Variants in KHDRBS2 observed in about 807,000 individuals in gnomAD.
The protein encoded by KHDRBS2 is KH domain-containing, RNA-binding, signal transduction-associated protein 2.
In KHDRBS2, 26 loss-of-function variants were observed where a neutral mutation model predicts 44.3. That is an observed-to-expected ratio of 0.59 (90% CI 0.43 to 0.81). KHDRBS2 has a LOEUF of 0.81. Among genes scored for constraint, KHDRBS2 ranks in the 40% least tolerant of loss-of-function variants. The pLI is 0.00. For synonymous variants in KHDRBS2, 194 were observed against 151.1 expected (o/e 1.28, Z -2.08); for missense variants, 476 against 433.1 (o/e 1.10, Z -0.88).
chr6:62,269,253 G>T (rs2150187174), intron 1 of KHDRBS2, among the ~76,000 whole-genome samples: 1 of 144,914 alleles, frequency 6.9e-6, no homozygotes, highest in Non-Finnish European at 1.5e-5. Flanking sequence ...ATTGACTTCA[G>T]CAAAATTAAT....
intron 6 of KHDRBS2, among the ~76,000 whole-genome samples, chr6:61,852,355 A>G (rs1483736903): frequency 6.6e-6 from 1 of 152,020 alleles, no homozygotes; most frequent in Admixed American, 6.6e-5. Context: ...TACAAGGTGA[A>G]GAGATCGAGA....
At chr6:62,065,617 A>T (rs1022334328) in intron 2 of KHDRBS2, among the ~76,000 whole-genome samples, 19 of 116,490 alleles carry the variant, frequency 1.6e-4, no homozygotes, top group African/African-American at 6.4e-4. Context: ...GGAATATCAC[A>T]CTCTGGGGAC....
chr6:61,963,542 A>G (rs1440184031), intron 4 of KHDRBS2, among the ~76,000 whole-genome samples: 4 of 152,066 alleles, frequency 2.6e-5, no homozygotes, highest in African/African-American at 9.7e-5. Context: ...ATGTGACTCT[A>G]TGAAAGGGGA....
At chr6:62,120,507 A>C (rs1236516466) in intron 2 of KHDRBS2, among the ~76,000 whole-genome samples, 1 of 152,204 alleles carries the variant, frequency 6.6e-6, no homozygotes, top group Non-Finnish European at 1.5e-5. Flanking sequence ...GGCAGGGACC[A>C]AGTGGCAGCA....
chr6:61,659,952 A>T, the KHDRBS2 span, among the ~76,000 whole-genome samples: 2 of 151,864 alleles, frequency 1.3e-5, no homozygotes, highest in Non-Finnish European at 2.9e-5. Flanking sequence ...AGAATTCATT[A>T]TACATGAAAG....
rs1313992228 is a variant in KHDRBS2 at position 61,680,738 on chromosome 6, T to G, written c.*225A>C. ...TACTGAAAGGTTTATAGACTATGCTTGCTAATGTCTTTTTCAGTCTGTTTT... is the reference window on the plus strand; with the variant it reads ...TACTGAAAGGTTTATAGACTATGCTGGCTAATGTCTTTTTCAGTCTGTTTT... On this transcript the variant is annotated 3_prime_UTR_variant, in exon 9 of 9. Coordinates refer to ENST00000281156, the MANE Select transcript of KHDRBS2 (RefSeq NM_152688.4). 5 of 384,708 alleles carry G rather than the reference T, an allele frequency of 1.3e-5. No homozygotes were observed. Among genetic ancestry groups the G allele is most frequent in the Non-Finnish European group, 2.3e-5 (5 of 213,402 alleles). The allele number at this position is 384,708 out of a possible 1,614,324, so 23.8% of individuals were successfully genotyped here.
intron 8 of KHDRBS2, among the ~76,000 whole-genome samples, chr6:61,696,404 C>T (rs1056113286): frequency 6.8e-4 from 103 of 151,960 alleles, no homozygotes; most frequent in African/African-American, 2.3e-3. Context: ...TACAGGCATG[C>T]GCCACAATGC....
chr6:61,643,876 C>T, the KHDRBS2 span, among the ~76,000 whole-genome samples: 3 of 152,150 alleles, frequency 2.0e-5, no homozygotes, highest in African/African-American at 4.8e-5. Context: ...AATGGTCATA[C>T]TGCCAAAAGC....
At chr6:62,041,823 A>G (rs537875345) in intron 3 of KHDRBS2, among the ~76,000 whole-genome samples, 1 of 152,210 alleles carries the variant, frequency 6.6e-6, no homozygotes, top group Admixed American at 6.6e-5. Flanking sequence ...ATAAAACATT[A>G]CTACCCCATA....
intron 1 of KHDRBS2, among the ~76,000 whole-genome samples, chr6:62,282,834 C>CA (rs1053097214): frequency 2.8e-4 from 43 of 151,966 alleles, no homozygotes; most frequent in African/African-American, 9.9e-4. Context: ...ATTAGAATTG[C>CA]AAAAAAACAT....
At chr6:62,205,674 T>C (rs888377258) in intron 1 of KHDRBS2, among the ~76,000 whole-genome samples, 8 of 151,914 alleles carry the variant, frequency 5.3e-5, no homozygotes, top group African/African-American at 1.9e-4. Flanking sequence ...GAGGCAAAAA[T>C]TAATGAAAAA....
At chr6:61,977,966 G>T in intron 4 of KHDRBS2, 100 bp downstream of exon 4, 1 of 988,596 alleles carries the variant, frequency 1.0e-6, no homozygotes. Context: ...TCATTGGTTT[G>T]CAATATGAGT....
At chr6:61,723,989 A>G (rs1321671606) in intron 7 of KHDRBS2, among the ~76,000 whole-genome samples, 1 of 152,120 alleles carries the variant, frequency 6.6e-6, no homozygotes, top group Non-Finnish European at 1.5e-5. Context: ...CCATGAGAAG[A>G]TCAACCCCAA....
chr6:61,771,209 C>T (rs184313497), intron 6 of KHDRBS2, among the ~76,000 whole-genome samples: 8 of 152,328 alleles, frequency 5.3e-5, no homozygotes, highest in African/African-American at 1.7e-4. Flanking sequence ...AAAGGAACAA[C>T]TGGTACCAGC....
chr6:62,055,788 A>G (rs1790146578), intron 2 of KHDRBS2, among the ~76,000 whole-genome samples: 1 of 151,932 alleles, frequency 6.6e-6, no homozygotes, highest in Admixed American at 6.6e-5. Context: ...AAGTTGCATC[A>G]CATTTGGAAG....
At chr6:61,929,001 C>A (rs1809500975) in intron 4 of KHDRBS2, among the ~76,000 whole-genome samples, 1 of 152,054 alleles carries the variant, frequency 6.6e-6, no homozygotes, top group African/African-American at 2.4e-5. Context: ...CACACAATAT[C>A]ATATTTTAAC....
intron 6 of KHDRBS2, among the ~76,000 whole-genome samples, chr6:61,758,012 T>TTCTCTCCTTGTGCATC (rs1202562699): frequency 2.6e-5 from 4 of 152,178 alleles, no homozygotes; most frequent in Non-Finnish European, 4.4e-5. Context: ...ATACCTGGAA[T>TTCTCTCCTTGTGCATC]TCTCTCCTTG....
intron 4 of KHDRBS2, among the ~76,000 whole-genome samples, chr6:61,975,359 C>T (rs1016060283): frequency 2.6e-5 from 4 of 152,076 alleles, no homozygotes. Flanking sequence ...TCTTCATCTA[C>T]AATGTTTGCA....
intron 6 of KHDRBS2, among the ~76,000 whole-genome samples, chr6:61,820,946 A>G (rs1360239624): frequency 1.3e-5 from 2 of 152,026 alleles, no homozygotes; most frequent in Non-Finnish European, 2.9e-5. Context: ...TGTTTCTTAC[A>G]TCTACTCTAA....
Sources: gnomAD v4.1 joint callset for allele counts (sites outside exome capture counted in the v4.1 genomes callset) on GRCh38, gnomAD v4.1.1 for gene constraint, MANE v1.5 for transcripts, NCBI Gene and HGNC (gene_info 2026-07-23, HGNC 2026-07-21) for gene names.